Variants in GSAP observed in about 807,000 individuals in gnomAD.
The protein encoded by GSAP is gamma-secretase activating protein, also known as gamma-secretase-activating protein.
Under a neutral mutation model 131.7 loss-of-function variants are expected in GSAP, and 118 were observed. The observed-to-expected ratio is 0.90, with a 90% CI of 0.77 to 1.04. The LOEUF (loss-of-function observed/expected upper bound fraction) is 1.04. Among genes scored for constraint, GSAP ranks in the 50% least tolerant of loss-of-function variants. The probability of loss-of-function intolerance (pLI) is 0.00; values close to 1 mark genes in which losing one functional copy is unlikely to be tolerated. For missense variants in GSAP, 1,019 were observed against 1,013.2 expected, an observed-to-expected ratio of 1.01 and a Z score of -0.08; for synonymous variants, 381 against 363.4, an observed-to-expected ratio of 1.05 and a Z score of -0.55.
chr7:77,402,435 G>A (rs28399354), intron 3 of GSAP, among the ~76,000 whole-genome samples: 19,259 of 140,956 alleles, frequency 0.14, 1,888 homozygotes, highest in East Asian at 0.4. Flanking sequence ...CACACACACA[G>A]AAAAAAAAGA....
intron 6 of GSAP, 137 bp downstream of exon 6, chr7:77,387,223 A>G (rs1290859875): frequency 1.1e-5 from 5 of 464,704 alleles, no homozygotes; most frequent in African/African-American, 2.0e-5. Context: ...AAGAGCGGAT[A>G]CTTCCAGCCA....
At chr7:77,361,454 A>G (rs1794510247) in intron 13 of GSAP, among the ~76,000 whole-genome samples, 1 of 152,216 alleles carries the variant, frequency 6.6e-6, no homozygotes, top group African/African-American at 2.4e-5. Flanking sequence ...AAAATTTTCC[A>G]CAAAAATCTC....
In GSAP at chr7:77,377,363, T is replaced by C; in HGVS notation, c.604A>G (p.Arg202Gly). The change falls in exon 9 of 31, where the codon AGA becomes GGA. Residue 202 changes from arginine to glycine, a missense_variant. Coordinates refer to ENST00000257626, the MANE Select transcript of GSAP (RefSeq NM_017439.4). ...VVIKNSGHLP[R>G]DRIAEDFVWA... Reference sequence around the variant, plus strand: ...ACGAAATCCTCAGCTATTCTGTCTCTTGGGAGATGGCCAGAATTTTTAATC... The same window carrying C: ...ACGAAATCCTCAGCTATTCTGTCTCCTGGGAGATGGCCAGAATTTTTAATC... The C allele has an allele frequency of 1.3e-6, 2 of 1,582,640 alleles. No individual in the cohort carries two copies. Among genetic ancestry groups the C allele is most frequent in the Non-Finnish European group, 1.7e-6 (2 of 1,168,204 alleles).
At chr7:77,339,192 C>T (rs1336282118) in intron 19 of GSAP, among the ~76,000 whole-genome samples, 1 of 152,072 alleles carries the variant, frequency 6.6e-6, no homozygotes, top group Non-Finnish European at 1.5e-5. Context: ...CAGCTCCATC[C>T]CTCTATAATT....
At chr7:77,402,605 A>AT in intron 3 of GSAP, among the ~76,000 whole-genome samples, 1 of 143,050 alleles carries the variant, frequency 7.0e-6, no homozygotes, top group Non-Finnish European at 1.5e-5. Flanking sequence ...AAAAAAAAAA[A>AT]AAAAAAAAAA....
chr7:77,313,373 T>C (rs1374743441), intron 28 of GSAP, 115 bp downstream of exon 28: 12 of 627,866 alleles, frequency 1.9e-5, no homozygotes, highest in Non-Finnish European at 2.8e-5. Context: ...TGTTGAAAAG[T>C]GAAACAATTC....
chr7:77,402,278 GTGGCTCACAC>G (rs888367866), intron 3 of GSAP, among the ~76,000 whole-genome samples: 1 of 150,574 alleles, frequency 6.6e-6, no homozygotes, highest in African/African-American at 2.4e-5. Flanking sequence ...GCCGGGCACG[GTGGCTCACAC>G]CTGTAATCTC....
intron 5 of GSAP, among the ~76,000 whole-genome samples, chr7:77,392,697 A>G (rs4729374): frequency 0.12 from 18,880 of 152,216 alleles, 1,691 homozygotes; most frequent in East Asian, 0.41. Context: ...GCAAAAGACC[A>G]TGGTGTGATC....
intron 8 of GSAP, among the ~76,000 whole-genome samples, chr7:77,378,550 A>C (rs1454582282): frequency 1.3e-5 from 2 of 152,134 alleles, no homozygotes; most frequent in African/African-American, 4.8e-5. Flanking sequence ...AAATGAAATA[A>C]GGTGTGCAAG....
rs1175104505 is a variant in GSAP at position 77,349,395 on chromosome 7, C to A, written c.1501G>T (p.Gly501Ter). 6.2e-7 allele frequency: 1 copy of A among 1,612,742 alleles called. No individual in the cohort carries two copies. Residue 501 changes from glycine to a stop codon, truncating the protein, a stop_gained, in exon 19 of 31, where the codon GGA (glycine) becomes TGA (stop). Transcript: ENST00000257626. LOFTEE classifies it high-confidence loss of function. The part of the protein sequence containing the change: ...SVLTWNTEIP[G>*]ITLVTEDIAL... ...ATGTCTTCTGTCACAAGAGTTATTC[C>A]AGGAATTTCCTATAGTGGGGAAAAA... is the stretch of plus-strand genomic sequence containing the variant.
At chr7:77,319,459 G>A (rs1437070527) in intron 26 of GSAP, among the ~76,000 whole-genome samples, 1 of 152,100 alleles carries the variant, frequency 6.6e-6, no homozygotes, top group Non-Finnish European at 1.5e-5. Context: ...ATGTAAAGTG[G>A]TACAGCCACT....
chr7:77,351,097 A>G (rs1792803660), intron 18 of GSAP: 1 of 969,440 alleles, frequency 1.0e-6, no homozygotes, highest in Non-Finnish European at 1.2e-6. Flanking sequence ...TATTCCTGTA[A>G]AAAAGGGTAT....
Position 77,387,447 on chromosome 7 carries a change from T to C in GSAP, c.369A>G (p.Gly123=), listed in dbSNP as rs774412079. Residue 123 remains glycine, a splice_region_variant and synonymous_variant, in exon 6 of 31, where the codon GGA becomes GGG. Coordinates refer to ENST00000257626, the MANE Select transcript of GSAP (RefSeq NM_017439.4). ...CAACCAACAAAGTCAAGCACTTTGA[T>C]CCTACAGAGAAAAGAAGGCTTTTAG... ...KEGKRNELQP[G]SKCLTLLVEI... is the part of the protein sequence containing the mutation. 6.4e-7 allele frequency: 1 copy of C among 1,555,134 alleles called. No homozygotes were observed. Among genetic ancestry groups the C allele is most frequent in the Non-Finnish European group, 8.9e-7 (1 of 1,126,598 alleles).
chr7:77,336,182 T>G (rs930084635), intron 19 of GSAP, among the ~76,000 whole-genome samples: 13 of 152,212 alleles, frequency 8.5e-5, no homozygotes, highest in African/African-American at 3.1e-4. Flanking sequence ...TGGATTGGAT[T>G]TTTTTCTAAA....
intron 3 of GSAP, 38 bp from the exon 4 acceptor site, chr7:77,397,453 T>C (rs769478202): frequency 3.7e-6 from 4 of 1,085,312 alleles, no homozygotes; most frequent in East Asian, 2.4e-5. Context: ...TGAAGTTTCA[T>C]ACATTAAATA....
At chr7:77,364,675 T>C (rs182908441) in intron 12 of GSAP, among the ~76,000 whole-genome samples, 1 of 151,100 alleles carries the variant, frequency 6.6e-6, no homozygotes, top group Non-Finnish European at 1.5e-5. Context: ...AGTGTAATAA[T>C]AAAATAAAAT....
chr7:77,375,882 T>G (rs535457681), intron 10 of GSAP, among the ~76,000 whole-genome samples: 1 of 151,826 alleles, frequency 6.6e-6, no homozygotes, highest in African/African-American at 2.4e-5. Context: ...AACCACCATA[T>G]TGTTCATCAC....
intron 3 of GSAP, among the ~76,000 whole-genome samples, chr7:77,402,455 C>T (rs137986637): frequency 0.082 from 12,153 of 147,388 alleles, 561 homozygotes; most frequent in African/African-American, 0.11. Context: ...ATTAGCTGGG[C>T]GTGGTGGCAC....
chr7:77,398,036 T>G (rs116288481), intron 3 of GSAP, among the ~76,000 whole-genome samples: 1,889 of 152,210 alleles, frequency 0.012, 36 homozygotes, highest in African/African-American at 0.044. Context: ...GATTCCATTT[T>G]CTTGAATATT....
Sources: allele counts gnomAD v4.1 joint callset (sites outside exome capture counted in the v4.1 genomes callset), GRCh38; gene constraint gnomAD v4.1.1; transcripts MANE v1.5; gene names NCBI Gene and HGNC (gene_info 2026-07-23, HGNC 2026-07-21).